Variants in RBFOX1 observed in about 807,000 individuals in gnomAD.
The protein encoded by RBFOX1 is RNA binding fox-1 homolog 1, also known as RNA binding protein fox-1 homolog 1.
Under a neutral mutation model 57.7 loss-of-function variants are expected in RBFOX1, and 8 were observed. That is an observed-to-expected ratio of 0.14 (90% CI 0.08 to 0.25). RBFOX1 has a LOEUF of 0.25. RBFOX1 is among the 10% of genes least tolerant of loss of function. RBFOX1 has a pLI of 1.00. For missense variants in RBFOX1, 611 were observed against 548.5 expected (o/e 1.11, Z -1.14); for synonymous variants, 326 against 222.4 (o/e 1.47, Z -4.15).
At chr16:5,447,258 A>G (rs2068270990) in intron 1 of RBFOX1, among the ~76,000 whole-genome samples, 1 of 152,038 alleles carries the variant, frequency 6.6e-6, no homozygotes, top group South Asian at 2.1e-4. Context: ...CAGAGCCTGG[A>G]GTTAGGCATG....
intron 1 of RBFOX1, among the ~76,000 whole-genome samples, chr16:6,251,350 C>T (rs1012062232): frequency 3.3e-5 from 5 of 152,066 alleles, no homozygotes; most frequent in South Asian, 4.2e-4. Flanking sequence ...TTATTATTCT[C>T]CTGTTACAGG....
intron 5 of RBFOX1, among the ~76,000 whole-genome samples, chr16:7,552,965 G>C (rs1408154789): frequency 1.3e-5 from 2 of 152,032 alleles, no homozygotes; most frequent in Non-Finnish European, 2.9e-5. Context: ...TTACAGGTGT[G>C]AGCCACTGAG....
intron 4 of RBFOX1, among the ~76,000 whole-genome samples, chr16:7,401,331 C>A (rs1441513682): frequency 6.6e-6 from 1 of 152,132 alleles, no homozygotes; most frequent in Non-Finnish European, 1.5e-5. Flanking sequence ...TTGCTTCTTT[C>A]AAGGAGGTAA....
chr16:6,608,081 G>A (rs1171288048), intron 2 of RBFOX1, among the ~76,000 whole-genome samples: 2 of 152,134 alleles, frequency 1.3e-5, no homozygotes, highest in African/African-American at 4.8e-5. Context: ...AGAAATTAAT[G>A]AGACAATGTC....
intron 3 of RBFOX1, among the ~76,000 whole-genome samples, chr16:6,753,878 G>A (rs554468183): frequency 1.3e-5 from 2 of 151,970 alleles, no homozygotes; most frequent in Non-Finnish European, 2.9e-5. Flanking sequence ...ATGTGCTCTC[G>A]GTCATTTGTC....
intron 3 of RBFOX1, among the ~76,000 whole-genome samples, chr16:5,794,516 G>A (rs982706114): frequency 6.6e-6 from 1 of 152,058 alleles, no homozygotes; most frequent in Non-Finnish European, 1.5e-5. Context: ...GCGTGCGTGT[G>A]TGTGTGTGTG....
At chr16:6,513,445 A>G (rs1000474441) in intron 2 of RBFOX1, among the ~76,000 whole-genome samples, 2 of 152,084 alleles carry the variant, frequency 1.3e-5, no homozygotes, top group Non-Finnish European at 2.9e-5. Flanking sequence ...AAGTTTGGAG[A>G]CCATGAGGCC....
At chr16:7,183,629 G>T (rs2083162486) in intron 4 of RBFOX1, among the ~76,000 whole-genome samples, 1 of 152,052 alleles carries the variant, frequency 6.6e-6, no homozygotes, top group Non-Finnish European at 1.5e-5. Flanking sequence ...AATCTCTTAG[G>T]GTCCCGAAGC....
intron 1 of RBFOX1, among the ~76,000 whole-genome samples, chr16:5,410,991 A>G (rs571449174): frequency 6.6e-6 from 1 of 152,350 alleles, no homozygotes; most frequent in East Asian, 1.9e-4. Flanking sequence ...AGGCGGGCCA[A>G]CACAACAAAG....
chr16:7,181,951 G>A (rs1422899955), intron 4 of RBFOX1, among the ~76,000 whole-genome samples: 1 of 152,180 alleles, frequency 6.6e-6, no homozygotes, highest in Non-Finnish European at 1.5e-5. Context: ...ATACAGGAAG[G>A]AAAAGGGTTA....
intron 3 of RBFOX1, among the ~76,000 whole-genome samples, chr16:5,761,926 C>A (rs893850885): frequency 2.0e-5 from 3 of 152,124 alleles, no homozygotes; most frequent in Admixed American, 2.0e-4. Context: ...AAGTTTCAAC[C>A]CCTCCCAGGA....
intron 4 of RBFOX1, among the ~76,000 whole-genome samples, chr16:7,106,984 A>ACACACACACACACACACACAC (rs1567282011): frequency 2.1e-4 from 31 of 148,634 alleles, no homozygotes; most frequent in African/African-American, 6.9e-4. Flanking sequence ...ACACAGTTAA[A>ACACACACACACACACACACAC]ACACACACAC....
intron 2 of RBFOX1, among the ~76,000 whole-genome samples, chr16:6,620,570 AAC>A (rs2098214597): frequency 6.6e-6 from 1 of 152,098 alleles, no homozygotes; most frequent in Admixed American, 6.5e-5. Flanking sequence ...TTTTTTTTTA[AAC>A]AACAACAATA....
intron 1 of RBFOX1, among the ~76,000 whole-genome samples, chr16:6,066,322 G>GAAAAA (rs2095762414): frequency 1.4e-5 from 1 of 73,816 alleles, no homozygotes; most frequent in East Asian, 3.7e-4. Context: ...AAAAAAAAAG[G>GAAAAA]CATAATTCAG....
intron 4 of RBFOX1, among the ~76,000 whole-genome samples, chr16:7,183,910 A>G (rs1175742956): frequency 1.3e-5 from 2 of 152,192 alleles, no homozygotes; most frequent in East Asian, 3.9e-4. Flanking sequence ...TAAAGGGGAT[A>G]GATGGGAATT....
At chr16:7,024,625 C>T (rs1231065014) in intron 3 of RBFOX1, among the ~76,000 whole-genome samples, 4 of 152,100 alleles carry the variant, frequency 2.6e-5, no homozygotes, top group African/African-American at 9.7e-5. Flanking sequence ...CCCCTGCCAC[C>T]ATCTTTGTTT....
intron 3 of RBFOX1, among the ~76,000 whole-genome samples, chr16:5,783,959 A>G (rs1053624974): frequency 2.0e-5 from 3 of 152,200 alleles, no homozygotes; most frequent in Non-Finnish European, 2.9e-5. Flanking sequence ...GGAGGTAAGT[A>G]TATTCATCCA....
At chr16:5,449,289 C>G (rs904176670) in intron 1 of RBFOX1, among the ~76,000 whole-genome samples, 1 of 152,188 alleles carries the variant, frequency 6.6e-6, no homozygotes, top group Non-Finnish European at 1.5e-5. Context: ...CTAATGACGC[C>G]TACTTATCTG....
At chr16:6,607,693 G>T (rs2098632144) in intron 2 of RBFOX1, among the ~76,000 whole-genome samples, 1 of 151,946 alleles carries the variant, frequency 6.6e-6, no homozygotes, top group African/African-American at 2.4e-5. Flanking sequence ...ATGTGGGCAT[G>T]TGAGTGTGCA....
Sources: allele counts gnomAD v4.1 joint callset (sites outside exome capture counted in the v4.1 genomes callset), GRCh38; gene constraint gnomAD v4.1.1; transcripts MANE v1.5; gene names NCBI Gene and HGNC (gene_info 2026-07-23, HGNC 2026-07-21).